Variants in PCDH11Y observed in about 807,000 individuals in gnomAD.
PCDH11Y encodes the protein protocadherin-11 Y-linked.
For synonymous variants in PCDH11Y, 9 were observed against 83.6 expected, an observed-to-expected ratio of 0.11 and a Z score of 4.87; for missense variants, 12 against 224.8, an observed-to-expected ratio of 0.05 and a Z score of 6.05.
intron 3 of PCDH11Y, among the ~76,000 whole-genome samples, chrY:5,536,135 C>A: frequency 3.2e-5 from 1 of 31,666 alleles, no homozygotes; most frequent in African/African-American, 1.2e-4. Context: ...ACCATGTTAG[C>A]CAGGATGGTC....
Position 5,003,423 on chromosome Y carries a change from A to C in PCDH11Y, c.-134+2818A>C, listed in dbSNP as rs1602833582. Among the ~76,000 whole-genome samples the C allele has an allele frequency of 1.9e-4, 6 of 32,062 alleles. No homozygotes were observed. The East Asian group carries it at 3.4e-3, about 18-fold the overall frequency. The allele number at this position is 32,062 out of a possible 37,273, so 86.0% of individuals were successfully genotyped here. A position where few individuals can be genotyped will look rare whatever the true frequency, so the allele number is the denominator to read the frequency against. ...TGAAGAACGCCTCTTTAAAAAAAAA[A>C]CCCCCGTGGCTGCTGCTTCGCCTGT... On this transcript the variant is annotated intron_variant, in intron 1 of 5. Coordinates refer to the PCDH11Y transcript ENST00000333703.
chrY:5,510,120 A>C, intron 3 of PCDH11Y, among the ~76,000 whole-genome samples: 1 of 21,937 alleles, frequency 4.6e-5, no homozygotes, highest in African/African-American at 1.7e-4. Flanking sequence ...ATTGCACTCC[A>C]GCCTGGGTGG....
At chrY:5,067,741 G>T in intron 1 of PCDH11Y, among the ~76,000 whole-genome samples, 1 of 32,097 alleles carries the variant, frequency 3.1e-5, no homozygotes, top group Non-Finnish European at 7.6e-5. Context: ...GGCCGGGCGC[G>T]GTGGCTCATG....
intron 4 of PCDH11Y, among the ~76,000 whole-genome samples, chrY:5,659,380 C>A (rs2053539230): frequency 3.0e-5 from 1 of 32,897 alleles, no homozygotes; most frequent in Non-Finnish European, 7.5e-5. Flanking sequence ...ATCTCTCAGG[C>A]CCCAGACTTG....
chrY:5,275,044 T>C (rs2053042784), intron 2 of PCDH11Y, among the ~76,000 whole-genome samples: 1 of 33,047 alleles, frequency 3.0e-5, no homozygotes, highest in Non-Finnish European at 7.4e-5. Flanking sequence ...TACAGTACAC[T>C]TTTTAAGAGT....
chrY:5,219,322 T>TC (rs35207475), intron 2 of PCDH11Y, among the ~76,000 whole-genome samples: 44 of 30,879 alleles, frequency 1.4e-3, no homozygotes, highest in Non-Finnish European at 1.4e-3. Context: ...CGAATTTACA[T>TC]CCCCCCCCCA....
At chrY:5,173,291 T>C (rs2052889024) in intron 2 of PCDH11Y, among the ~76,000 whole-genome samples, 1 of 33,712 alleles carries the variant, frequency 3.0e-5, no homozygotes, top group Non-Finnish European at 7.4e-5. Context: ...CAAACTATAA[T>C]TATTTAATTA....
intron 1 of PCDH11Y, among the ~76,000 whole-genome samples, chrY:5,062,367 T>C (rs2052677181): frequency 3.1e-5 from 1 of 32,779 alleles, no homozygotes; most frequent in Non-Finnish European, 7.5e-5. Flanking sequence ...TTAAAATTTC[T>C]CCATTTCAGC....
At chrY:5,331,984 C>T (rs2053131831) in intron 2 of PCDH11Y, among the ~76,000 whole-genome samples, 3 of 33,933 alleles carry the variant, frequency 8.8e-5, no homozygotes, top group African/African-American at 3.4e-4. Context: ...AGGCTGGGCG[C>T]GGTGGCTCAC....
In PCDH11Y at chrY:5,472,932, A is replaced by G. The variant is rs1569346146; in HGVS notation, c.3130-28125A>G. Among the ~76,000 whole-genome samples, 3 of 33,117 alleles carry G rather than the reference A, an allele frequency of 9.1e-5. No individual in the cohort carries two copies. The East Asian group carries it at 2.4e-3, about 26-fold the overall frequency. 88.8% of individuals were successfully genotyped at this position (33,117 alleles called of 37,273 possible). ...TTCCCTCCAAACAATTTAAAAGATA[A>G]TTTTATAACTGCTGTCATAACACAT... On this transcript the variant is annotated intron_variant, in intron 2 of 4. Transcript: ENST00000400457.
At chrY:5,718,755 C>T (rs2053592129) in intron 4 of PCDH11Y, among the ~76,000 whole-genome samples, 2 of 32,853 alleles carry the variant, frequency 6.1e-5, no homozygotes, top group Non-Finnish European at 1.5e-4. Flanking sequence ...TTAAGATACC[C>T]GAAAATGTGG....
At chrY:5,591,845 T>C (rs2053462596) in intron 4 of PCDH11Y, among the ~76,000 whole-genome samples, 1 of 33,465 alleles carries the variant, frequency 3.0e-5, no homozygotes, top group African/African-American at 1.2e-4. Flanking sequence ...TGTATGGTTT[T>C]GAGCAATTTT....
At chrY:5,047,786 C>T (rs2052645475) in intron 3 of PCDH11Y, among the ~76,000 whole-genome samples, 1 of 33,332 alleles carries the variant, frequency 3.0e-5, no homozygotes, top group Non-Finnish European at 7.4e-5. Flanking sequence ...CAGGCTGAAC[C>T]CAGTACATGC....
At chrY:5,370,722 T>C (rs2053186216) in intron 2 of PCDH11Y, among the ~76,000 whole-genome samples, 1 of 32,137 alleles carries the variant, frequency 3.1e-5, no homozygotes, top group African/African-American at 1.2e-4. Flanking sequence ...CACTTCATGA[T>C]GACTTAGTAA....
chrY:5,095,817 TA>T (rs2052749399), intron 1 of PCDH11Y, among the ~76,000 whole-genome samples: 1 of 33,095 alleles, frequency 3.0e-5, no homozygotes, highest in African/African-American at 1.2e-4. Flanking sequence ...CCAGGTTGAT[TA>T]TTGCTCTATC....
chrY:5,190,757 G>A, intron 2 of PCDH11Y, among the ~76,000 whole-genome samples: 1 of 32,548 alleles, frequency 3.1e-5, no homozygotes, highest in Non-Finnish European at 7.5e-5. Context: ...GATGAATGAG[G>A]GATCTGGCAT....
intron 4 of PCDH11Y, among the ~76,000 whole-genome samples, chrY:5,706,972 G>T: frequency 3.1e-5 from 1 of 32,665 alleles, no homozygotes; most frequent in South Asian, 6.7e-4. Flanking sequence ...TCAACTATAT[G>T]ACTGCATCAC....
chrY:5,054,928 T>C, upstream of PCDH11Y, among the ~76,000 whole-genome samples: 1 of 32,965 alleles, frequency 3.0e-5, no homozygotes, highest in Non-Finnish European at 7.5e-5. Context: ...TGTTGTTTAC[T>C]AGGATAAATA....
intron 2 of PCDH11Y, among the ~76,000 whole-genome samples, chrY:5,433,327 T>A: frequency 3.0e-5 from 1 of 33,756 alleles, no homozygotes; most frequent in Admixed American, 2.7e-4. Flanking sequence ...TGGTGAACTT[T>A]AAGCAGGGAT....
Sources: allele counts gnomAD v4.1 joint callset (sites outside exome capture counted in the v4.1 genomes callset), GRCh38; gene constraint gnomAD v4.1.1; transcripts MANE v1.5; gene names NCBI Gene and HGNC (gene_info 2026-07-23, HGNC 2026-07-21).